The following NALF1 variants were observed in gnomAD, a reference collection of about 807,000 sequenced individuals.
NALF1 encodes family with sequence similarity 155 member A.
NALF1 carries 3 observed loss-of-function variants against 48.4 expected under a neutral mutation model. The observed-to-expected ratio is 0.06, with a 90% CI of 0.03 to 0.16. NALF1 has a LOEUF of 0.16. Among genes scored for constraint, NALF1 ranks in the 10% least tolerant of loss-of-function variants. The pLI is 1.00. For synonymous variants in NALF1, 262 were observed against 245.7 expected (o/e 1.07, Z -0.62); for missense variants, 526 against 571.5 (o/e 0.92, Z 0.81).
At chr13:107,366,121 C>A (rs974146139) in intron 1 of NALF1, among the ~76,000 whole-genome samples, 5 of 152,206 alleles carry the variant, frequency 3.3e-5, no homozygotes, top group Non-Finnish European at 5.9e-5. Flanking sequence ...TAAAGTCATT[C>A]TTAGCATATG....
chr13:107,607,122 T>G (rs1879095490), intron 1 of NALF1, among the ~76,000 whole-genome samples: 1 of 152,220 alleles, frequency 6.6e-6, no homozygotes, highest in Non-Finnish European at 1.5e-5. Context: ...TTTCAGTCAT[T>G]GCATTTCTAG....
intron 1 of NALF1, among the ~76,000 whole-genome samples, chr13:107,703,429 T>G (rs946808891): frequency 2.1e-5 from 3 of 145,192 alleles, no homozygotes; most frequent in Admixed American, 7.2e-5. Flanking sequence ...TGGCACGACC[T>G]CCGCCTCCCA....
intron 1 of NALF1, among the ~76,000 whole-genome samples, chr13:107,415,479 G>C (rs989111651): frequency 6.6e-6 from 1 of 151,626 alleles, no homozygotes; most frequent in Non-Finnish European, 1.5e-5. Flanking sequence ...GATTAGTAGT[G>C]GGTGAAAACT....
rs936260343 is a variant in NALF1 at position 107,708,431 on chromosome 13, G to A, written c.915+157251C>T. On this transcript the variant is annotated intron_variant, in intron 1 of 2. Coordinates refer to ENST00000375915, the MANE Select transcript of NALF1 (RefSeq NM_001080396.3). Reference sequence around the variant, plus strand: ...GCCACATAAGGTGCTAAAAGGAAGGGGACAACTAGGTCACAGTCTTTGCCT... The same window carrying A: ...GCCACATAAGGTGCTAAAAGGAAGGAGACAACTAGGTCACAGTCTTTGCCT... 2.6e-5 allele frequency among the ~76,000 whole-genome samples: 4 copies of A among 152,052 alleles called. No homozygotes were observed. In the East Asian group the frequency reaches 7.7e-4, roughly 29 times the overall value.
chr13:107,565,318 A>C (rs1184976198), intron 1 of NALF1, among the ~76,000 whole-genome samples: 1 of 149,396 alleles, frequency 6.7e-6, no homozygotes, highest in African/African-American at 2.4e-5. Context: ...CCAGGAAGTC[A>C]AGGCTCCAGT....
chr13:107,202,593 T>C (rs973435788), intron 2 of NALF1, among the ~76,000 whole-genome samples: 3 of 152,170 alleles, frequency 2.0e-5, no homozygotes, highest in Non-Finnish European at 4.4e-5. Flanking sequence ...AAAATTTTCC[T>C]GAGAACAATG....
In NALF1 at chr13:107,398,568, T is replaced by C. The variant is rs1479750014; in HGVS notation, c.916-187813A>G. 4.6e-5 allele frequency among the ~76,000 whole-genome samples: 7 copies of C among 152,126 alleles called. No individual in the cohort carries two copies. In the East Asian group the frequency reaches 7.7e-4, roughly 17 times the overall value. ...AAATATTATAGTAGGTTTTGCTAGG[T>C]TGGAAATTGATTTTTTTCATGTGTG... On this transcript the variant is annotated intron_variant, in intron 1 of 2. Transcript: ENST00000375915.
intron 1 of NALF1, among the ~76,000 whole-genome samples, chr13:107,808,099 C>T (rs577009988): frequency 3.4e-4 from 51 of 152,160 alleles, no homozygotes; most frequent in Non-Finnish European, 4.0e-4. Flanking sequence ...CTACAAGAAT[C>T]GATAACAAGG....
intron 1 of NALF1, among the ~76,000 whole-genome samples, chr13:107,836,257 C>G (rs905036251): frequency 6.6e-6 from 1 of 152,106 alleles, no homozygotes; most frequent in Non-Finnish European, 1.5e-5. Context: ...TCCTAAAGTT[C>G]TGAGATTACA....
intron 2 of NALF1, among the ~76,000 whole-genome samples, chr13:107,177,771 C>G (rs894905536): frequency 3.9e-5 from 6 of 152,294 alleles, no homozygotes; most frequent in Non-Finnish European, 5.9e-5. Context: ...CTTAAGGGGC[C>G]AGGTGCTATG....
intron 1 of NALF1, among the ~76,000 whole-genome samples, chr13:107,414,978 A>T (rs1884060919): frequency 2.1e-5 from 2 of 96,302 alleles, no homozygotes; most frequent in Admixed American, 2.2e-4. Flanking sequence ...AAACTTCAGC[A>T]TAAAGATAAA....
At chr13:107,523,573 G>A (rs375159790) in intron 1 of NALF1, among the ~76,000 whole-genome samples, 3 of 125,250 alleles carry the variant, frequency 2.4e-5, no homozygotes, top group African/African-American at 9.4e-5. Flanking sequence ...CCTTTCTTGG[G>A]AATCACTGAT....
chr13:107,735,746 G>C (rs1876449455), intron 1 of NALF1, among the ~76,000 whole-genome samples: 1 of 152,186 alleles, frequency 6.6e-6, no homozygotes, highest in Non-Finnish European at 1.5e-5. Context: ...ATTATTAACA[G>C]ATAAAGGTAG....
At chr13:107,561,618 A>T (rs1048080917) in intron 1 of NALF1, among the ~76,000 whole-genome samples, 1 of 152,164 alleles carries the variant, frequency 6.6e-6, no homozygotes, top group Non-Finnish European at 1.5e-5. Flanking sequence ...TTGGGGAAAA[A>T]CTTTGAGAAC....
At chr13:107,463,035 A>T (rs908515707) in intron 1 of NALF1, among the ~76,000 whole-genome samples, 5 of 152,238 alleles carry the variant, frequency 3.3e-5, no homozygotes, top group African/African-American at 1.2e-4. Flanking sequence ...GACACATAAA[A>T]GCAGAGATAG....
At chr13:107,388,640 T>C (rs1225610694) in intron 1 of NALF1, among the ~76,000 whole-genome samples, 1 of 152,174 alleles carries the variant, frequency 6.6e-6, no homozygotes, top group Non-Finnish European at 1.5e-5. Flanking sequence ...CACTGCAGGT[T>C]TTCCAATGAA....
chr13:107,744,810 C>A (rs1297367124), intron 1 of NALF1, among the ~76,000 whole-genome samples: 3 of 152,170 alleles, frequency 2.0e-5, no homozygotes, highest in Non-Finnish European at 4.4e-5. Flanking sequence ...ATTAAACTCT[C>A]AACAGTAAGA....
chr13:107,592,883 T>C (rs1878636448), intron 1 of NALF1, among the ~76,000 whole-genome samples: 2 of 151,948 alleles, frequency 1.3e-5, no homozygotes, highest in South Asian at 2.1e-4. Context: ...CTGGCATCTA[T>C]ACACATTCTT....
chr13:107,840,196 A>G (rs1880006168), intron 1 of NALF1, among the ~76,000 whole-genome samples: 1 of 152,204 alleles, frequency 6.6e-6, no homozygotes, highest in South Asian at 2.1e-4. Flanking sequence ...AACTATACGA[A>G]TAGGAAAGAA....
Sources: gnomAD v4.1 joint callset for allele counts (sites outside exome capture counted in the v4.1 genomes callset) on GRCh38, gnomAD v4.1.1 for gene constraint, MANE v1.5 for transcripts, NCBI Gene and HGNC (gene_info 2026-07-23, HGNC 2026-07-21) for gene names.